OSBPL6: variants seen among roughly 807,000 people sequenced by gnomAD.
OSBPL6 encodes oxysterol binding protein like 6.
Under a neutral mutation model 125.8 loss-of-function variants are expected in OSBPL6, and 49 were observed. The ratio of observed to expected loss-of-function variants is 0.39; its 90% confidence interval spans 0.31 to 0.49. The LOEUF is 0.49. OSBPL6 is among the 20% of genes least tolerant of loss of function. The pLI, the probability that OSBPL6 is intolerant of heterozygous loss-of-function variation, is 0.88. For missense variants in OSBPL6, 986 were observed against 1,135.4 expected, an observed-to-expected ratio of 0.87 and a Z score of 1.89; for synonymous variants, 394 against 391.8, an observed-to-expected ratio of 1.01 and a Z score of -0.07.
chr2:178,357,825 GA>G (rs1361099533), intron 12 of OSBPL6, among the ~76,000 whole-genome samples: 1 of 152,110 alleles, frequency 6.6e-6, no homozygotes, highest in Non-Finnish European at 1.5e-5. Context: ...CAGAGTCTTG[GA>G]ACCAACCCAA....
Position 178,395,462 on chromosome 2 carries a change from A to G in OSBPL6, c.2708A>G (p.Asp903Gly). The G allele has an allele frequency of 1.2e-6, 2 of 1,613,070 alleles. No homozygotes were observed. The highest frequency in any genetic ancestry group is 1.7e-6 in the Non-Finnish European group (2 of 1,179,350). Residue 903 changes from aspartate to glycine, a missense_variant, in exon 25 of 25, where the codon GAT becomes GGT. Physicochemically the swap from Asp to Gly is moderately conservative, Grantham distance 94. Coordinates refer to ENST00000190611, the MANE Select transcript of OSBPL6 (RefSeq NM_032523.4). ...HIPKFFKKVI[D>G]ANQREAWVSN... ...TTATATTTTCACAGAAAAGTTATTG[A>G]TGCCAATCAAAGAGAAGCCTGGGTT...
intron 4 of OSBPL6, among the ~76,000 whole-genome samples, chr2:178,325,938 A>G (rs1454144728): frequency 6.6e-6 from 1 of 152,004 alleles, no homozygotes; most frequent in South Asian, 2.1e-4. Flanking sequence ...GCCCACTTAG[A>G]TCTTGCTGTA....
chr2:178,360,840 C>G (rs1692287461), intron 12 of OSBPL6, among the ~76,000 whole-genome samples: 2 of 152,144 alleles, frequency 1.3e-5, no homozygotes, highest in African/African-American at 2.4e-5. Context: ...CTGCCATTTT[C>G]CCCCTGTAAT....
intron 9 of OSBPL6, among the ~76,000 whole-genome samples, chr2:178,337,440 C>A (rs12618660): frequency 0.026 from 3,890 of 152,224 alleles, 236 homozygotes; most frequent in East Asian, 0.22. Context: ...CTGAGATACT[C>A]ACATCCCAGA....
intron 3 of OSBPL6, among the ~76,000 whole-genome samples, chr2:178,322,501 G>C (rs773881418): frequency 1.3e-5 from 2 of 152,120 alleles, no homozygotes; most frequent in Non-Finnish European, 2.9e-5. Flanking sequence ...TCTCTTGTCT[G>C]TTTTGTTCTC....
intron 13 of OSBPL6, among the ~76,000 whole-genome samples, chr2:178,369,561 C>A (rs1297680571): frequency 4.6e-5 from 7 of 152,166 alleles, no homozygotes; most frequent in Admixed American, 4.6e-4. Context: ...TCAAGAGAAC[C>A]TGATCTTCTG....
intron 1 of OSBPL6, among the ~76,000 whole-genome samples, chr2:178,259,809 A>G (rs1007346403): frequency 5.3e-5 from 8 of 152,260 alleles, no homozygotes; most frequent in Non-Finnish European, 1.0e-4. Context: ...TTGCTGAGTT[A>G]CTCATAATTT....
At position 178,291,953 on chromosome 2, in the gene OSBPL6, G is replaced by T. The variant is rs1472257379; in HGVS notation, c.-156+6832G>T. Among the ~76,000 whole-genome samples the T allele has an allele frequency of 2.0e-5, 3 of 152,046 alleles. No homozygotes were observed. In the East Asian group the frequency reaches 5.8e-4, roughly 29 times the overall value. On this transcript the variant is annotated intron_variant, in intron 2 of 24. Transcript: ENST00000190611. ...TTTTGTCTTTTAAACTTTCATTTTT[G>T]ACTTTTATTTTAGGTTCAGGGGTAC... is the stretch of plus-strand genomic sequence containing the variant.
chr2:178,251,325 T>C, intron 1 of OSBPL6, among the ~76,000 whole-genome samples: 1 of 152,144 alleles, frequency 6.6e-6, no homozygotes, highest in Non-Finnish European at 1.5e-5. Flanking sequence ...TCTGTCAGTA[T>C]TATAAAGTCA....
intron 3 of OSBPL6, among the ~76,000 whole-genome samples, chr2:178,316,672 TA>T (rs1415247756): frequency 7.9e-5 from 12 of 152,114 alleles, no homozygotes; most frequent in African/African-American, 2.7e-4. Flanking sequence ...ATAATGCAAA[TA>T]AAAAACAATA....
chr2:178,323,867 G>A (rs370678103), intron 3 of OSBPL6: 1 of 192,390 alleles, frequency 5.2e-6, no homozygotes. Context: ...TAAGTAGAAG[G>A]TGTGTCTTTG....
chr2:178,291,036 T>A (rs1470936531), intron 2 of OSBPL6, among the ~76,000 whole-genome samples: 4 of 151,972 alleles, frequency 2.6e-5, no homozygotes, highest in African/African-American at 9.7e-5. Context: ...AATTTCAGCA[T>A]GAAAACTACT....
intron 15 of OSBPL6, among the ~76,000 whole-genome samples, chr2:178,378,353 A>G (rs1439670390): frequency 6.6e-6 from 1 of 152,202 alleles, no homozygotes; most frequent in East Asian, 1.9e-4. Context: ...GCAAAGGAAG[A>G]AATGCTTATA....
intron 23 of OSBPL6, among the ~76,000 whole-genome samples, chr2:178,393,722 C>G (rs533451213): frequency 6.6e-6 from 1 of 152,276 alleles, no homozygotes; most frequent in Admixed American, 6.5e-5. Flanking sequence ...CTTCTCAATT[C>G]TATTTCAGTG....
intron 24 of OSBPL6, 57 bp from the exon 25 acceptor site, chr2:178,395,394 T>A: frequency 8.0e-7 from 1 of 1,245,376 alleles, no homozygotes; most frequent in Non-Finnish European, 1.2e-6. Context: ...GAGAGGGTCC[T>A]ATTTAAGGTT....
At chr2:178,314,083 G>A (rs867702331) in intron 3 of OSBPL6, among the ~76,000 whole-genome samples, 2 of 152,174 alleles carry the variant, frequency 1.3e-5, no homozygotes, top group African/African-American at 2.4e-5. Context: ...TGTCTCCTCC[G>A]ACTGAGCCTC....
At chr2:178,324,337 A>G (rs1688510834) in intron 4 of OSBPL6, 68 bp downstream of exon 4, 1 of 1,208,402 alleles carries the variant, frequency 8.3e-7, no homozygotes, top group Admixed American at 2.0e-5. Flanking sequence ...TGAACTGTGA[A>G]TAACGTTTAC....
At chr2:178,239,684 G>GGT (rs1279709894) in intron 1 of OSBPL6, among the ~76,000 whole-genome samples, 1 of 151,360 alleles carries the variant, frequency 6.6e-6, no homozygotes, top group Non-Finnish European at 1.5e-5. Context: ...GGAGTGCAGT[G>GGT]GTGTGATCTC....
intron 1 of OSBPL6, among the ~76,000 whole-genome samples, chr2:178,219,224 G>T (rs2090235273): frequency 6.6e-6 from 1 of 152,200 alleles, no homozygotes; most frequent in Non-Finnish European, 1.5e-5. Flanking sequence ...TGTGGGCCAA[G>T]AATTGGGTTG....
Sources: gnomAD v4.1 joint callset for allele counts (sites outside exome capture counted in the v4.1 genomes callset) on GRCh38, gnomAD v4.1.1 for gene constraint, MANE v1.5 for transcripts, NCBI Gene and HGNC (gene_info 2026-07-23, HGNC 2026-07-21) for gene names.